The following ATG16L2 variants were observed in gnomAD, a reference collection of about 807,000 sequenced individuals.
The protein encoded by ATG16L2 is autophagy related 16 like 2.
Under a neutral mutation model 84.7 loss-of-function variants are expected in ATG16L2, and 77 were observed. The ratio of observed to expected loss-of-function variants is 0.91; its 90% CI spans 0.76 to 1.10. ATG16L2 has a LOEUF of 1.10. ATG16L2 is among the 50% of genes least tolerant of loss of function. The pLI is 0.00. For synonymous variants in ATG16L2, 361 were observed against 342.8 expected (o/e 1.05, Z -0.59); for missense variants, 782 against 817.6 (o/e 0.96, Z 0.53).
At chr11:72,832,376 C>T (rs1860624799), downstream of ATG16L2, among the ~76,000 whole-genome samples, 1 of 152,130 alleles carries the variant, frequency 6.6e-6, no homozygotes, top group South Asian at 2.1e-4. Flanking sequence ...GTCCCCCTCC[C>T]AGTAGGAGGG....
Position 72,816,798 on chromosome 11 carries a change from T to C in ATG16L2, c.189T>C (p.Ser63=). 1 of 1,614,148 alleles carries C rather than the reference T, an allele frequency of 6.2e-7. No homozygotes were observed. The highest frequency in any genetic ancestry group is 8.5e-7 in the Non-Finnish European group (1 of 1,179,994). Residue 63 remains serine, a synonymous_variant, in exon 2 of 18, where the codon AGT becomes AGC. Transcript: ENST00000321297. ...FSKKLQPEPN[S]VTPTTHQGPW... is the part of the protein sequence containing the mutation. ...AGAAGCTGCAGCCGGAGCCAAACAG[T>C]GTCACTCCCACCACCCACCAGGGCC...
At chr11:72,832,700 C>T (rs1860633006), downstream of ATG16L2, among the ~76,000 whole-genome samples, 1 of 152,250 alleles carries the variant, frequency 6.6e-6, no homozygotes, top group Non-Finnish European at 1.5e-5. Flanking sequence ...GGTATAAAAA[C>T]TGAGACCCAG....
Position 72,817,366 on chromosome 11 carries a change from G to A in ATG16L2, c.219-390G>A, listed in dbSNP as rs566657034. On this transcript the variant is annotated intron_variant, in intron 2 of 17. Coordinates refer to ENST00000321297, the MANE Select transcript of ATG16L2 (RefSeq NM_033388.2). Reference sequence around the variant, plus strand: ...TTCTCCTGCCTCAGCCTCCTGGAACGTGCACCACCACCCCCGGCTAATATT... The same window carrying A: ...TTCTCCTGCCTCAGCCTCCTGGAACATGCACCACCACCCCCGGCTAATATT... Among the ~76,000 whole-genome samples the A allele has an allele frequency of 7.2e-5, 11 of 152,138 alleles. 2 individuals carry two copies. Among genetic ancestry groups the A allele is most frequent in the African/African-American group, 2.2e-4 (9 of 41,484 alleles).
At position 72,829,515 on chromosome 11, in the gene ATG16L2, A is replaced by G. The variant is rs1860555465; in HGVS notation, c.*125A>G. ...GATTTAATGGGGAAGAAGGCCTGGC[A>G]GGACCTGGCCTGTTTGTTTAAAAAT... On this transcript the variant is annotated 3_prime_UTR_variant, in exon 18 of 18. Transcript: ENST00000321297. 1 of 1,443,562 alleles carries G rather than the reference A, an allele frequency of 6.9e-7. No homozygotes were observed. Among genetic ancestry groups the G allele is most frequent in the African/African-American group, 1.4e-5 (1 of 70,224 alleles). 89.4% of individuals were successfully genotyped at this position (1,443,562 alleles called of 1,614,324 possible). A position where few individuals can be genotyped will look rare whatever the true frequency, so the allele number is the denominator to read the frequency against.
intron 17 of ATG16L2, 147 bp from the exon 18 acceptor site, chr11:72,829,156 T>C: frequency 9.1e-7 from 1 of 1,103,572 alleles, no homozygotes; most frequent in Non-Finnish European, 1.3e-6. Flanking sequence ...GTTCCATCCT[T>C]TCCACAGCCC....
At chr11:72,815,502 C>A (rs898807541) in intron 1 of ATG16L2, among the ~76,000 whole-genome samples, 2 of 152,134 alleles carry the variant, frequency 1.3e-5, no homozygotes, top group African/African-American at 4.8e-5. Flanking sequence ...CACCGCCCCC[C>A]CAACCCCTGC....
At chr11:72,841,686 G>A (rs1860957518) in intron 5 of ATG16L2, 2 of 1,244,460 alleles carry the variant, frequency 1.6e-6, no homozygotes, top group African/African-American at 3.1e-5. Flanking sequence ...CTAAAGCTAA[G>A]CTGATTGTTG....
chr11:72,822,629 T>C lies in ATG16L2; in HGVS notation c.710+86T>C. The C allele has an allele frequency of 6.5e-7, 1 of 1,537,004 alleles. No individual in the cohort carries two copies. On this transcript the variant is annotated intron_variant, in intron 6 of 17. Transcript: ENST00000321297. This position sits in a 1 kb window ranked among gnomAD's most constrained non-coding sequence, Gnocchi z 4.2. The stretch of plus-strand genomic sequence containing the variant: ...GGCGACCCAGGCTGCCGACTGTACT[T>C]GTGCACAGCCCCGTCCTGAGGCCCC...
At chr11:72,826,072 G>T in intron 10 of ATG16L2, 101 bp from the exon 11 acceptor site, 1 of 938,898 alleles carries the variant, frequency 1.1e-6, no homozygotes, top group Non-Finnish European at 1.6e-6. Flanking sequence ...GGGATGTGTC[G>T]GGGGGTGGGG....
At chr11:72,832,503 T>G (rs1049620533), downstream of ATG16L2, among the ~76,000 whole-genome samples, 1 of 152,156 alleles carries the variant, frequency 6.6e-6, no homozygotes, top group African/African-American at 2.4e-5. Context: ...CAGAGGGGCA[T>G]GTCAGCGGGA....
intron 8 of ATG16L2, 146 bp from the exon 9 acceptor site, chr11:72,824,588 T>C (rs1860223332): frequency 5.9e-6 from 4 of 676,302 alleles, no homozygotes; most frequent in Admixed American, 2.2e-5. Flanking sequence ...GAGGCTGGGT[T>C]GGGGAATGCT....
chr11:72,819,211 C>T (rs139269124), intron 3 of ATG16L2, among the ~76,000 whole-genome samples: 65 of 152,270 alleles, frequency 4.3e-4, no homozygotes, highest in African/African-American at 1.4e-3. Context: ...AATGCAGGGG[C>T]ACCTCTGACT....
chr11:72,817,584 GGACAGCTCATTTCTAGA>G (rs1161031484), intron 2 of ATG16L2, among the ~76,000 whole-genome samples, 155 bp from the exon 3 acceptor site: 2 of 152,236 alleles, frequency 1.3e-5, no homozygotes, highest in African/African-American at 4.8e-5. Flanking sequence ...GAGGAGTCAT[GGACAGCTCATTTCTAGA>G]GACTTGCCTT....
In ATG16L2 at chr11:72,824,823, C is replaced by G; in HGVS notation, c.977C>G (p.Thr326Ser). ...IPVCVAARLP[T>S]RAQDVLDAHL... ...GTGTGTGTGGCTGCCCGACTTCCTACCCGGGCTCAGGATGTGCTGGTAAGG... is the reference window on the plus strand; with the variant it reads ...GTGTGTGTGGCTGCCCGACTTCCTAGCCGGGCTCAGGATGTGCTGGTAAGG... The change falls in exon 9 of 18, where the codon ACC (threonine) becomes AGC (serine). Residue 326 changes from threonine (T) to serine (S), a missense_variant. Thr to Ser is a moderately conservative substitution (Grantham distance 58). Transcript: ENST00000321297. 1 of 1,596,688 alleles carries G rather than the reference C, an allele frequency of 6.3e-7. No homozygotes were observed. The highest frequency in any genetic ancestry group is 8.5e-7 in the Non-Finnish European group (1 of 1,171,080).
intron 7 of ATG16L2, chr11:72,823,358 T>C: frequency 3.0e-6 from 1 of 333,662 alleles, no homozygotes; most frequent in Non-Finnish European, 5.9e-6. Flanking sequence ...TGTACAAGCT[T>C]GACTGAGCCC....
At chr11:72,835,486 T>C (rs1860707477) in intron 5 of ATG16L2, among the ~76,000 whole-genome samples, 1 of 152,078 alleles carries the variant, frequency 6.6e-6, no homozygotes, top group African/African-American at 2.4e-5. Context: ...TGGCACACTT[T>C]ATATGGCCTT....
chr11:72,833,963 A>G (rs1009769942), downstream of ATG16L2, among the ~76,000 whole-genome samples: 1 of 151,196 alleles, frequency 6.6e-6, no homozygotes, highest in Non-Finnish European at 1.5e-5. Context: ...ATATTCCCAG[A>G]CCAGAGCTCT....
At chr11:72,821,619 G>A in intron 3 of ATG16L2, 49 bp from the exon 4 acceptor site, 1 of 1,513,848 alleles carries the variant, frequency 6.6e-7, no homozygotes, top group Non-Finnish European at 8.8e-7. Flanking sequence ...GGAGGGACTG[G>A]AGGCCTGGAG....
Position 72,823,016 on chromosome 11 carries a change from T to C in ATG16L2, c.824+55T>C, listed in dbSNP as rs967849136. ...CTGAGCTGAGCCCCACCCCAGAGGC[T>C]GCCAGGGTCTTCCTCTTGGACCTTG... On this transcript the variant is annotated intron_variant, in intron 7 of 17. Transcript: ENST00000321297. 3.0e-5 allele frequency: 39 copies of C among 1,289,624 alleles called. No homozygotes were observed. In the African/African-American group the frequency reaches 5.8e-4, roughly 19 times the overall value. 79.9% of individuals were successfully genotyped at this position (1,289,624 alleles called of 1,614,324 possible).
Sources: allele counts gnomAD v4.1 joint callset (sites outside exome capture counted in the v4.1 genomes callset), GRCh38; gene constraint gnomAD v4.1.1; non-coding constraint Gnocchi (gnomAD v3.1); transcripts MANE v1.5; gene names NCBI Gene and HGNC (gene_info 2026-07-23, HGNC 2026-07-21).